OR2L5: variants seen among roughly 807,000 people sequenced by gnomAD.
The protein encoded by OR2L5 is olfactory receptor family 2 subfamily L member 5.
For synonymous variants in OR2L5, 169 were observed against 142.0 expected, an observed-to-expected ratio of 1.19 and a Z score of -1.35; for missense variants, 413 against 381.6, an observed-to-expected ratio of 1.08 and a Z score of -0.69.
At chr1:248,020,952 G>T (rs1016247604) in intron 1 of OR2L5, among the ~76,000 whole-genome samples, 8 of 151,480 alleles carry the variant, frequency 5.3e-5, no homozygotes, top group Admixed American at 2.6e-4. Context: ...GACAATTCAA[G>T]AAGGAAATAT....
chr1:248,017,762 A>G (rs1190955151), intron 1 of OR2L5, among the ~76,000 whole-genome samples: 1 of 152,090 alleles, frequency 6.6e-6, no homozygotes, highest in Non-Finnish European at 1.5e-5. Flanking sequence ...TCCTAGTGGG[A>G]TGGAGTTCTG....
At chr1:248,019,420 A>G (rs1489245325) in intron 1 of OR2L5, among the ~76,000 whole-genome samples, 2 of 152,226 alleles carry the variant, frequency 1.3e-5, no homozygotes, top group African/African-American at 4.8e-5. Context: ...GAAACCCATC[A>G]TAAATCGAGA....
intron 1 of OR2L5, among the ~76,000 whole-genome samples, chr1:248,019,872 G>C (rs752233435): frequency 1.3e-5 from 2 of 151,720 alleles, no homozygotes. Context: ...CTGCAACCTC[G>C]GCCTCCTGGG....
chr1:248,023,014 AT>A lies in OR2L5; in HGVS notation c.*131del. ...ATTAATCCAGAATGTTTGTCTTTTA[AT>A]TTAGTCTTGACATTATAGTTGCATA... On this transcript the variant is annotated 3_prime_UTR_variant, in exon 2 of 2. Coordinates refer to ENST00000355281, the MANE Select transcript of OR2L5 (RefSeq NM_001258284.2). 1 of 905,922 alleles carries A rather than the reference AT, an allele frequency of 1.1e-6. No individual in the cohort carries two copies. The highest frequency in any genetic ancestry group is 1.6e-6 in the Non-Finnish European group (1 of 610,416). 56.1% of individuals were successfully genotyped at this position (905,922 alleles called of 1,614,324 possible).
intron 1 of OR2L5, among the ~76,000 whole-genome samples, chr1:248,020,134 GT>G (rs1662300301): frequency 6.6e-6 from 1 of 151,998 alleles, no homozygotes; most frequent in African/African-American, 2.4e-5. Flanking sequence ...ATGCCATACT[GT>G]TTTGATTACC....
Position 248,022,962 on chromosome 1 carries a change from A to G in OR2L5, c.*76A>G, listed in dbSNP as rs1662385422. On this transcript the variant is annotated 3_prime_UTR_variant, in exon 2 of 2. Coordinates refer to ENST00000355281, the MANE Select transcript of OR2L5 (RefSeq NM_001258284.2). ...GTGTACAGCAGTGAAGAAAAACATT[A>G]TTACATGCCCAGTATGTCAAACAGA... The G allele has an allele frequency of 7.7e-7, 1 of 1,305,568 alleles. No homozygotes were observed. The highest frequency in any genetic ancestry group is 1.5e-5 in the South Asian group (1 of 67,294). 80.9% of individuals were successfully genotyped at this position (1,305,568 alleles called of 1,614,324 possible).
chr1:248,022,360 G>T lies in OR2L5; in HGVS notation c.413G>T (p.Arg138Ile), dbSNP rs2103079033. The change falls in exon 2 of 2, where the codon AGA (arginine) becomes ATA (isoleucine). Residue 138 changes from arginine to isoleucine, a missense_variant. Transcript: ENST00000355281. Reference sequence around the variant, plus strand: ...CACTATCCCATCCGTATGAGCAAAAGAATGTATGTGCTGATGATAACAGGA... The same window carrying T: ...CACTATCCCATCCGTATGAGCAAAATAATGTATGTGCTGATGATAACAGGA... The part of the protein sequence containing the change: ...PLHYPIRMSK[R>I]MYVLMITGSW... 2 of 1,614,144 alleles carry T rather than the reference G, an allele frequency of 1.2e-6. No individual in the cohort carries two copies. The highest frequency in any genetic ancestry group is 4.5e-5 in the East Asian group (2 of 44,878).
intron 1 of OR2L5, among the ~76,000 whole-genome samples, chr1:248,020,073 G>A (rs73141304): frequency 0.017 from 2,612 of 152,158 alleles, 80 homozygotes; most frequent in African/African-American, 0.059. Flanking sequence ...GTGAACAAAC[G>A]CACCTGACCT....
Position 248,022,507 on chromosome 1 carries a change from C to G in OR2L5, c.560C>G (p.Ala187Gly). 6.2e-7 allele frequency: 1 copy of G among 1,614,168 alleles called. No individual in the cohort carries two copies. Among genetic ancestry groups the G allele is most frequent in the Non-Finnish European group, 8.5e-7 (1 of 1,180,034 alleles). ...GATGTTCCAGCTATGTTGACATTAG[C>G]CTGTACAGACACCTGGGTCTATGAG... is the stretch of plus-strand genomic sequence containing the variant. Reference protein sequence around the residue: ...FCDVPAMLTLACTDTWVYEYT... With the variant: ...FCDVPAMLTLGCTDTWVYEYT... The change falls in exon 2 of 2, where the codon GCC becomes GGC. Residue 187 changes from alanine to glycine, a missense_variant. Transcript: ENST00000355281.
chr1:248,019,012 G>A (rs1477200111), intron 1 of OR2L5, among the ~76,000 whole-genome samples: 1 of 152,040 alleles, frequency 6.6e-6, no homozygotes, highest in Admixed American at 6.5e-5. Context: ...GTCCATGTAT[G>A]TACTCACTAC....
intron 1 of OR2L5, among the ~76,000 whole-genome samples, chr1:248,021,285 C>G (rs570818639): frequency 6.6e-6 from 1 of 152,064 alleles, no homozygotes; most frequent in South Asian, 2.1e-4. Context: ...ATAGAGAATA[C>G]GATTTTTTTT....
At chr1:248,018,025 G>T (rs1430282887) in intron 1 of OR2L5, among the ~76,000 whole-genome samples, 2 of 151,894 alleles carry the variant, frequency 1.3e-5, no homozygotes, top group Non-Finnish European at 2.9e-5. Context: ...CGTGGTGGTG[G>T]GCCCCTGTAA....
Position 248,022,805 on chromosome 1 carries a change from C to G in OR2L5, c.858C>G (p.Pro286=), listed in dbSNP as rs577624312. 6.2e-7 allele frequency: 1 copy of G among 1,613,772 alleles called. No homozygotes were observed. The highest frequency in any genetic ancestry group is 1.3e-5 in the African/African-American group (1 of 74,802). The change falls in exon 2 of 2, where the codon CCC becomes CCG. Residue 286 remains proline, a synonymous_variant. Transcript: ENST00000355281. The stretch of plus-strand genomic sequence containing the variant: ...CCATCCTCACCCCAATGCTCAACCC[C>G]ATCATCTACAGCCTGAGAAACAAGG... ...FYTILTPMLN[P]IIYSLRNKEV...
At chr1:248,018,428 A>ATACTATTGC (rs1662259841) in intron 1 of OR2L5, among the ~76,000 whole-genome samples, 3 of 152,196 alleles carry the variant, frequency 2.0e-5, no homozygotes, top group Admixed American at 2.0e-4. Context: ...TACAAATTAC[A>ATACTATTGC]TACTATTGCA....
At position 248,022,873 on chromosome 1, in the gene OR2L5, C is replaced by T. The variant is rs759253664; in HGVS notation, c.926C>T (p.Ser309Leu). Residue 309 changes from serine (S) to leucine (L), a missense_variant, in exon 2 of 2, where the codon TCG becomes TTG. By Grantham distance (145) the Ser-to-Leu change is moderately radical. Coordinates refer to ENST00000355281, the MANE Select transcript of OR2L5 (RefSeq NM_001258284.2). The part of the protein sequence containing the change: ...ALTRVIQNIF[S>L]VKM ...ACACGAGTGATTCAGAATATCTTCTCGGTGAAAATGTAGACATACGTTCTG... is the reference window on the plus strand; with the variant it reads ...ACACGAGTGATTCAGAATATCTTCTTGGTGAAAATGTAGACATACGTTCTG... The T allele has an allele frequency of 2.6e-5, 41 of 1,606,470 alleles. No individual in the cohort carries two copies. Among genetic ancestry groups the T allele is most frequent in the South Asian group, 6.6e-5 (6 of 90,472 alleles).
chr1:248,015,380 C>T (rs1662172652), intron 1 of OR2L5, among the ~76,000 whole-genome samples: 1 of 152,094 alleles, frequency 6.6e-6, no homozygotes, highest in Admixed American at 6.6e-5. Flanking sequence ...GGACACTCTT[C>T]TGTGTCATCT....
At position 248,024,020 on chromosome 1, in the gene OR2L5, T is replaced by C. The variant is rs1662413676; in HGVS notation, c.*1134T>C. ...CATGTGATCAGAAAATATATTTTTA[T>C]TTTTATTTGTTATTAATTTTATTTG... On this transcript the variant is annotated 3_prime_UTR_variant, in exon 2 of 2. Transcript: ENST00000355281. 6.6e-6 allele frequency: 1 copy of C among 151,784 alleles called. No homozygotes were observed. The highest frequency in any genetic ancestry group is 1.9e-4 in the East Asian group (1 of 5,202). The allele number at this position is 151,784 out of a possible 1,614,324, so 9.4% of individuals were successfully genotyped here.
At chr1:248,018,411 T>C (rs1662259469) in intron 1 of OR2L5, among the ~76,000 whole-genome samples, 1 of 152,166 alleles carries the variant, frequency 6.6e-6, no homozygotes, top group Non-Finnish European at 1.5e-5. Context: ...AATAATTAAA[T>C]TACTAATACA....
At chr1:248,017,238 T>C (rs1161225250) in intron 1 of OR2L5, among the ~76,000 whole-genome samples, 1 of 152,154 alleles carries the variant, frequency 6.6e-6, no homozygotes, top group Non-Finnish European at 1.5e-5. Context: ...GGATAAAAAA[T>C]TAAGGGGCAC....
Sources: gnomAD v4.1 joint callset for allele counts (sites outside exome capture counted in the v4.1 genomes callset) on GRCh38, gnomAD v4.1.1 for gene constraint, MANE v1.5 for transcripts, NCBI Gene and HGNC (gene_info 2026-07-23, HGNC 2026-07-21) for gene names.